Variants in FAM13C observed in about 807,000 individuals in gnomAD.
FAM13C encodes family with sequence similarity 13 member C.
Under a neutral mutation model 73.2 loss-of-function variants are expected in FAM13C, and 37 were observed. That is an observed-to-expected ratio of 0.51 (90% CI 0.39 to 0.67). The LOEUF (loss-of-function observed/expected upper bound fraction) is 0.67, where lower values mean the gene tolerates loss of function less well. FAM13C is among the 30% of genes least tolerant of loss of function. The probability of loss-of-function intolerance (pLI) is 0.00; values close to 1 mark genes in which losing one functional copy is unlikely to be tolerated. For missense variants in FAM13C, 589 were observed against 715.6 expected (o/e 0.82, Z 2.02); for synonymous variants, 246 against 260.9 (o/e 0.94, Z 0.55).
intron 4 of FAM13C, among the ~76,000 whole-genome samples, chr10:59,315,491 A>G (rs1170343034): frequency 2.0e-5 from 3 of 152,094 alleles, no homozygotes; most frequent in Non-Finnish European, 4.4e-5. Flanking sequence ...TATGTCCCCT[A>G]GGGGCCATGT....
intron 1 of FAM13C, among the ~76,000 whole-genome samples, chr10:59,359,030 C>A (rs1052811258): frequency 3.9e-5 from 6 of 152,266 alleles, no homozygotes; most frequent in Admixed American, 2.0e-4. Context: ...TCCCTGAAAC[C>A]CCTTATTTCT....
At chr10:59,259,769 G>A (rs1480510128) in intron 10 of FAM13C, among the ~76,000 whole-genome samples, 1 of 152,114 alleles carries the variant, frequency 6.6e-6, no homozygotes, top group Admixed American at 6.6e-5. Context: ...TGACTTCCAC[G>A]CATGAGGAGA....
At chr10:59,328,329 C>T (rs1851463509) in intron 3 of FAM13C, among the ~76,000 whole-genome samples, 1 of 152,196 alleles carries the variant, frequency 6.6e-6, no homozygotes, top group South Asian at 2.1e-4. Context: ...TGCCCCTAAA[C>T]CAGAATGGTG....
chr10:59,321,432 CTTTT>C (rs1057110939), intron 4 of FAM13C, among the ~76,000 whole-genome samples: 1,182 of 57,978 alleles, frequency 0.02, 24 homozygotes, highest in African/African-American at 0.067. Flanking sequence ...CTGCCAACAC[CTTTT>C]TTTTTTTTTT....
At chr10:59,358,998 T>G (rs1856056961) in intron 1 of FAM13C, among the ~76,000 whole-genome samples, 1 of 152,214 alleles carries the variant, frequency 6.6e-6, no homozygotes, top group African/African-American at 2.4e-5. Context: ...TTCTATTCAA[T>G]TAATAAATCA....
intron 6 of FAM13C, 120 bp downstream of exon 6, chr10:59,283,243 G>T: frequency 9.7e-7 from 1 of 1,027,254 alleles, no homozygotes; most frequent in Non-Finnish European, 1.5e-6. Context: ...AGCACCTCTT[G>T]GGCTTTCATG....
At chr10:59,361,050 A>G in intron 1 of FAM13C, 7 of 1,289,278 alleles carry the variant, frequency 5.4e-6, no homozygotes, top group South Asian at 1.2e-5. Context: ...CAGGAAGTCC[A>G]GGCCTCATCT....
chr10:59,335,454 C>G (rs777513153), intron 3 of FAM13C, among the ~76,000 whole-genome samples: 1 of 152,068 alleles, frequency 6.6e-6, no homozygotes, highest in Non-Finnish European at 1.5e-5. Context: ...AACATTGAAC[C>G]CAAAGGCATT....
At chr10:59,321,083 G>A (rs1850178671) in intron 4 of FAM13C, among the ~76,000 whole-genome samples, 1 of 152,232 alleles carries the variant, frequency 6.6e-6, no homozygotes, top group Admixed American at 6.5e-5. Context: ...CAGAATAATA[G>A]CTCCCCAAAG....
At chr10:59,261,231 G>C (rs184643013) in intron 10 of FAM13C, among the ~76,000 whole-genome samples, 1 of 152,144 alleles carries the variant, frequency 6.6e-6, no homozygotes, top group Non-Finnish European at 1.5e-5. Context: ...GGATGGCTGA[G>C]TGGATGAAAC....
chr10:59,263,875 T>C, intron 9 of FAM13C: 1 of 549,924 alleles, frequency 1.8e-6, no homozygotes, highest in Non-Finnish European at 3.3e-6. Context: ...AGTCTGGAGG[T>C]CCTCAGTTTC....
At chr10:59,308,281 G>T (rs1399110127) in intron 4 of FAM13C, among the ~76,000 whole-genome samples, 1 of 151,668 alleles carries the variant, frequency 6.6e-6, no homozygotes, top group Non-Finnish European at 1.5e-5. Context: ...GTAGTGATGA[G>T]CATGTGATAT....
At chr10:59,316,934 T>C (rs987079353) in intron 4 of FAM13C, among the ~76,000 whole-genome samples, 1 of 152,214 alleles carries the variant, frequency 6.6e-6, no homozygotes, top group African/African-American at 2.4e-5. Context: ...CAATGTATAA[T>C]ATAATGTAAC....
intron 5 of FAM13C, chr10:59,301,346 G>T (rs1046887984): frequency 6.6e-6 from 1 of 152,198 alleles, no homozygotes; most frequent in Non-Finnish European, 1.5e-5. Context: ...AAAATATGGC[G>T]ATGCCTGCTG....
intron 3 of FAM13C, among the ~76,000 whole-genome samples, chr10:59,326,300 G>T (rs1316410898): frequency 6.6e-6 from 1 of 152,088 alleles, no homozygotes; most frequent in Non-Finnish European, 1.5e-5. Context: ...TGATTCAAAT[G>T]GGGAAAAGAG....
At chr10:59,340,718 TG>T (rs1853379416) in intron 3 of FAM13C, among the ~76,000 whole-genome samples, 1 of 151,668 alleles carries the variant, frequency 6.6e-6, no homozygotes, top group Non-Finnish European at 1.5e-5. Flanking sequence ...AGGTAACCAG[TG>T]AAAAAAAATA....
intron 6 of FAM13C, among the ~76,000 whole-genome samples, chr10:59,279,613 G>A (rs1844708519): frequency 6.6e-6 from 1 of 152,162 alleles, no homozygotes; most frequent in African/African-American, 2.4e-5. Flanking sequence ...GAGTCATGTG[G>A]AACATGAACA....
chr10:59,344,814 T>C (rs1428241358), intron 3 of FAM13C, among the ~76,000 whole-genome samples: 1 of 152,162 alleles, frequency 6.6e-6, no homozygotes, highest in East Asian at 1.9e-4. Context: ...ATCACTAAAC[T>C]GATACTCAAC....
intron 13 of FAM13C, chr10:59,251,305 T>C (rs1375546837): frequency 4.9e-6 from 2 of 411,302 alleles, no homozygotes; most frequent in Non-Finnish European, 8.5e-6. Flanking sequence ...TTATTTATGA[T>C]GAGATTTATT....
Sources: allele counts gnomAD v4.1 joint callset (sites outside exome capture counted in the v4.1 genomes callset), GRCh38; gene constraint gnomAD v4.1.1; transcripts MANE v1.5; gene names NCBI Gene and HGNC (gene_info 2026-07-23, HGNC 2026-07-21).